SLC7A7: variants seen among roughly 807,000 people sequenced by gnomAD.
SLC7A7 encodes the protein Y+L amino acid transporter 1.
In SLC7A7, 39 loss-of-function variants were observed where a neutral mutation model predicts 47.9. The observed-to-expected ratio is 0.81, with a 90% CI of 0.63 to 1.06. The LOEUF is 1.06. SLC7A7 is among the 50% of genes least tolerant of loss of function. SLC7A7 has a pLI of 0.00. For synonymous variants in SLC7A7, 234 were observed against 242.8 expected, an observed-to-expected ratio of 0.96 and a Z score of 0.34; for missense variants, 588 against 632.0, an observed-to-expected ratio of 0.93 and a Z score of 0.75.
chr14:22,787,202 G>A lies in SLC7A7; in HGVS notation c.500-7151C>T, dbSNP rs150403386. The stretch of plus-strand genomic sequence containing the variant: ...TGTAATACCAGTACTTTGGGAGACC[G>A]AGGAGGGAGGATCACCTGAGGTCAG... On this transcript the variant is annotated intron_variant, in intron 2 of 9. Coordinates refer to ENST00000674313, the MANE Select transcript of SLC7A7 (RefSeq NM_003982.4). Among the ~76,000 whole-genome samples, 540 of 152,154 alleles carry A rather than the reference G, an allele frequency of 3.5e-3. 3 individuals are homozygous for A. Among genetic ancestry groups the A allele is most frequent in the Non-Finnish European group, 5.5e-3 (377 of 68,002 alleles).
At chr14:22,808,544 C>A (rs890186872) in intron 2 of SLC7A7, among the ~76,000 whole-genome samples, 1 of 152,138 alleles carries the variant, frequency 6.6e-6, no homozygotes, top group Admixed American at 6.6e-5. Flanking sequence ...CAATGGCTCA[C>A]GCCCGTAATC....
Position 22,773,230 on chromosome 14 carries a change from CAT to C in SLC7A7, c.*378_*379del, listed in dbSNP as rs773963485. The C allele has an allele frequency of 5.0e-5, 20 of 396,284 alleles. No homozygotes were observed. The highest frequency in any genetic ancestry group is 8.6e-4 in the Middle Eastern group (1 of 1,168). The allele number at this position is 396,284 out of a possible 1,614,324, so 24.5% of individuals were successfully genotyped here. On this transcript the variant is annotated 3_prime_UTR_variant, in exon 10 of 10. Transcript: ENST00000674313. Reference sequence around the variant, plus strand: ...AATGAAGCCACTCAGACTTTAGGAACATAAACTTTTATTGTCATCCAGCACCT... The same window carrying C: ...AATGAAGCCACTCAGACTTTAGGAACAAACTTTTATTGTCATCCAGCACCT...
Position 22,776,233 on chromosome 14 carries a change from C to T in SLC7A7, c.856G>A (p.Asp286Asn), listed in dbSNP as rs1328047702. 5 of 1,614,198 alleles carry T rather than the reference C, an allele frequency of 3.1e-6. No individual in the cohort carries two copies. The highest frequency in any genetic ancestry group is 2.2e-5 in the East Asian group (1 of 44,886). Residue 286 changes from aspartate (D) to asparagine (N), a missense_variant, in exon 5 of 10, where the codon GAC becomes AAC. Physicochemically the swap from Asp to Asn is conservative, Grantham distance 23. Transcript: ENST00000674313. Reference protein sequence around the residue: ...LTNVAYYTVLDMRDILASDAV... With the variant: ...LTNVAYYTVLNMRDILASDAV... ...TCACTGGCCAAGATGTCTCTCATGT[C>T]TAGCACAGTATAATAGGCCACATTG... is the stretch of plus-strand genomic sequence containing the variant.
chr14:22,800,305 T>A (rs958493135), intron 2 of SLC7A7, among the ~76,000 whole-genome samples: 3 of 151,394 alleles, frequency 2.0e-5, no homozygotes, highest in Admixed American at 2.0e-4. Flanking sequence ...TAGATTGGAG[T>A]TTTCCAATAT....
At chr14:22,796,632 A>G (rs2039026259) in intron 2 of SLC7A7, among the ~76,000 whole-genome samples, 1 of 152,216 alleles carries the variant, frequency 6.6e-6, no homozygotes, top group Non-Finnish European at 1.5e-5. Context: ...TACAGGGGAC[A>G]TACTGAAGGC....
Position 22,813,308 on chromosome 14 carries a change from C to G in SLC7A7, c.91G>C (p.Val31Leu), listed in dbSNP as rs142956369. ...AGTGAGATCTCCTTCTTCAGCTTCA[C>G]CTGCTCCGGCCCTGGGCTGGCCCCA... is the stretch of plus-strand genomic sequence containing the variant. Reference protein sequence around the residue: ...GDGASPGPEQVKLKKEISLLN... With the variant: ...GDGASPGPEQLKLKKEISLLN... Residue 31 changes from valine to leucine, a missense_variant, in exon 2 of 10, where the codon GTG (valine) becomes CTG (leucine). Physicochemically the swap from Val to Leu is conservative, Grantham distance 32 (BLOSUM62 1). Coordinates refer to ENST00000674313, the MANE Select transcript of SLC7A7 (RefSeq NM_003982.4). The G allele has an allele frequency of 6.4e-5, 103 of 1,614,212 alleles. 1 individual carries two copies. The African/African-American group carries it at 1.2e-3, about 19-fold the overall frequency.
intron 2 of SLC7A7, among the ~76,000 whole-genome samples, chr14:22,805,001 T>C (rs1279044356): frequency 1.3e-5 from 2 of 151,908 alleles, no homozygotes; most frequent in African/African-American, 4.8e-5. Context: ...GAGTGAAACT[T>C]CGTCTCAAAA....
At chr14:22,812,835 C>T in intron 2 of SLC7A7, 65 bp downstream of exon 2, 2 of 1,527,434 alleles carry the variant, frequency 1.3e-6, no homozygotes, top group East Asian at 2.3e-5. Context: ...TACTCCCAGA[C>T]TGCACTCACA....
At chr14:22,796,369 C>A (rs2039021720) in intron 2 of SLC7A7, among the ~76,000 whole-genome samples, 1 of 152,134 alleles carries the variant, frequency 6.6e-6, no homozygotes. Context: ...AAGCTGTCTG[C>A]CCCCTTCCCA....
At chr14:22,775,716 AGAAAG>A in intron 6 of SLC7A7, 112 bp downstream of exon 6, 1 of 946,978 alleles carries the variant, frequency 1.1e-6, no homozygotes, top group South Asian at 1.3e-5. Flanking sequence ...AGAAACAAGA[AGAAAG>A]AGGTTGTGGT....
intron 8 of SLC7A7, 94 bp from the exon 9 acceptor site, chr14:22,774,210 T>A: frequency 6.3e-7 from 1 of 1,588,100 alleles, no homozygotes; most frequent in Non-Finnish European, 8.6e-7. Flanking sequence ...GCACTGAGCC[T>A]TCTTTCCATA....
chr14:22,811,774 C>T (rs2039309362), intron 2 of SLC7A7, among the ~76,000 whole-genome samples: 1 of 151,258 alleles, frequency 6.6e-6, no homozygotes, highest in South Asian at 2.1e-4. Context: ...ATCACTTGAA[C>T]CCAGAAGATG....
intron 2 of SLC7A7, among the ~76,000 whole-genome samples, chr14:22,802,490 T>C (rs1024154289): frequency 6.6e-6 from 1 of 152,184 alleles, no homozygotes; most frequent in Non-Finnish European, 1.5e-5. Context: ...CAGTGGATTA[T>C]AGATAGGCAC....
intron 2 of SLC7A7, 54 bp from the exon 3 acceptor site, chr14:22,780,105 A>C: frequency 6.2e-7 from 1 of 1,610,678 alleles, no homozygotes; most frequent in Non-Finnish European, 8.5e-7. Flanking sequence ...CTAGGGCCTT[A>C]GACTCCCAAG....
chr14:22,792,866 A>AG lies in SLC7A7; in HGVS notation c.500-12816_500-12815insC, dbSNP rs1432952657. On this transcript the variant is annotated intron_variant, in intron 2 of 9. Coordinates refer to ENST00000674313, the MANE Select transcript of SLC7A7 (RefSeq NM_003982.4). ...GTGTGAGGCCCCGTCTCAAAGAAAG[A>AG]AAGAGAGAGAGAGAGAGAGAGAGAG... 2.1e-3 allele frequency among the ~76,000 whole-genome samples: 155 copies of AG among 72,656 alleles called. 1 individual carries two copies. The South Asian group carries it at 0.05, about 24-fold the overall frequency. 47.7% of individuals were successfully genotyped at this position (72,656 alleles called of 152,430 possible).
Position 22,805,871 on chromosome 14 carries a change from G to A in SLC7A7, c.499+7029C>T, listed in dbSNP as rs555194928. ...TGTACATACATCAAAGGCCGAGGGC[G>A]GTGGCTCACGCCTGTAATCCCAGCA... On this transcript the variant is annotated intron_variant, in intron 2 of 9. Transcript: ENST00000674313. Among the ~76,000 whole-genome samples the A allele has an allele frequency of 3.9e-5, 6 of 152,146 alleles. No homozygotes were observed. In the East Asian group the frequency reaches 1.2e-3, roughly 29 times the overall value.
intron 2 of SLC7A7, among the ~76,000 whole-genome samples, chr14:22,787,752 T>G (rs568342461): frequency 1.1e-4 from 16 of 150,046 alleles, no homozygotes; most frequent in Non-Finnish European, 1.5e-4. Flanking sequence ...CAACACTCTG[T>G]CTCAAAAAAA....
At chr14:22,811,249 G>A (rs985370000) in intron 2 of SLC7A7, among the ~76,000 whole-genome samples, 2 of 152,156 alleles carry the variant, frequency 1.3e-5, no homozygotes, top group African/African-American at 2.4e-5. Flanking sequence ...ATTGGAGAGC[G>A]GTGAGCCAAT....
intron 2 of SLC7A7, among the ~76,000 whole-genome samples, chr14:22,794,165 C>T (rs1228007891): frequency 6.6e-6 from 1 of 152,196 alleles, no homozygotes; most frequent in East Asian, 1.9e-4. Context: ...CTCCGGTCTC[C>T]CGCACAGCCG....
Sources: allele counts gnomAD v4.1 joint callset (sites outside exome capture counted in the v4.1 genomes callset), GRCh38; gene constraint gnomAD v4.1.1; transcripts MANE v1.5; gene names NCBI Gene and HGNC (gene_info 2026-07-23, HGNC 2026-07-21).